Variants in CCBE1 observed in about 807,000 individuals in gnomAD.
CCBE1 encodes the protein collagen and calcium binding EGF domains 1.
A neutral mutation model predicts 50.0 loss-of-function variants in CCBE1; 37 were observed. That is an observed-to-expected ratio of 0.74 (90% CI 0.57 to 0.97). The LOEUF is 0.97. CCBE1 is among the 50% of genes least tolerant of loss of function. The pLI, the probability that CCBE1 is intolerant of heterozygous loss-of-function variation, is 0.00. For missense variants in CCBE1, 538 were observed against 523.8 expected, an observed-to-expected ratio of 1.03 and a Z score of -0.26; for synonymous variants, 234 against 203.7, an observed-to-expected ratio of 1.15 and a Z score of -1.27.
chr18:59,569,727 C>G (rs1323708556), intron 2 of CCBE1, among the ~76,000 whole-genome samples: 1 of 152,138 alleles, frequency 6.6e-6, no homozygotes, highest in South Asian at 2.1e-4. Context: ...TTCAAACTCC[C>G]AGGCTCAAGC....
At chr18:59,451,995 C>T (rs556046734) in intron 6 of CCBE1, among the ~76,000 whole-genome samples, 5 of 152,154 alleles carry the variant, frequency 3.3e-5, no homozygotes, top group African/African-American at 4.8e-5. Flanking sequence ...TATTACCCAC[C>T]TGTGCATGCC....
At chr18:59,694,208 G>A (rs2054775657) in intron 2 of CCBE1, among the ~76,000 whole-genome samples, 1 of 152,100 alleles carries the variant, frequency 6.6e-6, no homozygotes, top group Non-Finnish European at 1.5e-5. Flanking sequence ...CACACTTCAA[G>A]TTCAGAAGTG....
At chr18:59,600,187 G>T (rs980206972) in intron 2 of CCBE1, among the ~76,000 whole-genome samples, 1 of 152,092 alleles carries the variant, frequency 6.6e-6, no homozygotes, top group Non-Finnish European at 1.5e-5. Context: ...ATTTCTACCT[G>T]TGCTCTACCT....
At chr18:59,625,040 G>A (rs766311509) in intron 2 of CCBE1, among the ~76,000 whole-genome samples, 2 of 152,176 alleles carry the variant, frequency 1.3e-5, no homozygotes, top group Non-Finnish European at 2.9e-5. Flanking sequence ...CTTCTCAGGC[G>A]TTTCTAATAT....
At chr18:59,536,390 C>CA (rs746476004) in intron 2 of CCBE1, among the ~76,000 whole-genome samples, 1 of 152,216 alleles carries the variant, frequency 6.6e-6, no homozygotes, top group Non-Finnish European at 1.5e-5. Context: ...CACCACCCTC[C>CA]AGCTCTTCCT....
intron 3 of CCBE1, among the ~76,000 whole-genome samples, chr18:59,470,097 CT>C (rs1911959015): frequency 6.6e-6 from 1 of 152,150 alleles, no homozygotes; most frequent in Non-Finnish European, 1.5e-5. Context: ...CATGTCTAGT[CT>C]TATGCTGCTG....
chr18:59,454,764 T>C, intron 6 of CCBE1, 87 bp downstream of exon 6: 1 of 1,156,546 alleles, frequency 8.6e-7, no homozygotes, highest in Non-Finnish European at 1.3e-6. Context: ...ATGTGGATAT[T>C]TTCTTATTTG....
intron 2 of CCBE1, among the ~76,000 whole-genome samples, chr18:59,484,759 T>C (rs550365002): frequency 6.6e-6 from 1 of 152,326 alleles, no homozygotes; most frequent in African/African-American, 2.4e-5. Context: ...AGTTGTGAGA[T>C]TCCAGTGCGC....
intron 3 of CCBE1, among the ~76,000 whole-genome samples, chr18:59,475,627 G>C (rs1314860259): frequency 6.6e-6 from 1 of 152,050 alleles, no homozygotes; most frequent in Non-Finnish European, 1.5e-5. Context: ...AGCCTTCCTT[G>C]ACCTCCTCAA....
intron 5 of CCBE1, among the ~76,000 whole-genome samples, chr18:59,460,769 C>G (rs1165393842): frequency 2.6e-5 from 4 of 151,626 alleles, no homozygotes; most frequent in Admixed American, 2.0e-4. Context: ...CCATCTCTAC[C>G]AAAAATACAA....
intron 2 of CCBE1, among the ~76,000 whole-genome samples, chr18:59,612,321 G>A (rs1025433042): frequency 2.6e-4 from 28 of 106,124 alleles, no homozygotes; most frequent in South Asian, 3.3e-4. Context: ...AAAAAGGGAA[G>A]AAAAAAAAGA....
intron 7 of CCBE1, among the ~76,000 whole-genome samples, chr18:59,441,106 G>A (rs964750690): frequency 6.6e-6 from 1 of 152,200 alleles, no homozygotes; most frequent in African/African-American, 2.4e-5. Context: ...CCATGGCAGT[G>A]GCCTGACAAA....
intron 2 of CCBE1, among the ~76,000 whole-genome samples, chr18:59,559,702 A>C (rs2052707343): frequency 6.6e-6 from 1 of 152,178 alleles, no homozygotes; most frequent in Non-Finnish European, 1.5e-5. Flanking sequence ...AACCTAGATA[A>C]GTTTCTGGGC....
chr18:59,569,138 A>C lies in CCBE1; in HGVS notation c.213-88900T>G, dbSNP rs148025212. On this transcript the variant is annotated intron_variant, in intron 2 of 10. Coordinates refer to ENST00000439986, the MANE Select transcript of CCBE1 (RefSeq NM_133459.4). Reference sequence around the variant, plus strand: ...AACAATTCTCCTCACATGAGTGGCTACCCAGCAAGTCTGGCTCTCCCTCCA... The same window carrying C: ...AACAATTCTCCTCACATGAGTGGCTCCCCAGCAAGTCTGGCTCTCCCTCCA... Among the ~76,000 whole-genome samples, 298 of 152,232 alleles carry C rather than the reference A, an allele frequency of 2.0e-3. 4 individuals are homozygous for C. The East Asian group carries it at 0.03, about 15-fold the overall frequency.
intron 2 of CCBE1, among the ~76,000 whole-genome samples, chr18:59,583,534 G>A (rs1435768948): frequency 6.6e-6 from 1 of 152,068 alleles, no homozygotes; most frequent in Non-Finnish European, 1.5e-5. Flanking sequence ...ATTATCAAAT[G>A]GCCAATGCCC....
chr18:59,601,781 A>G (rs2053437972), intron 2 of CCBE1, among the ~76,000 whole-genome samples: 1 of 152,208 alleles, frequency 6.6e-6, no homozygotes, highest in Admixed American at 6.5e-5. Context: ...ACATTATGGA[A>G]TTAGTGAGGG....
intron 2 of CCBE1, among the ~76,000 whole-genome samples, chr18:59,619,213 A>AT (rs2053679474): frequency 6.6e-6 from 1 of 152,134 alleles, no homozygotes; most frequent in African/African-American, 2.4e-5. Context: ...AAAACGTTTT[A>AT]TTTTTCCATC....
intron 2 of CCBE1, among the ~76,000 whole-genome samples, chr18:59,540,449 G>A (rs1915424727): frequency 6.6e-6 from 1 of 152,200 alleles, no homozygotes; most frequent in African/African-American, 2.4e-5. Flanking sequence ...TGTTCTAGCT[G>A]AACTGTGGCC....
chr18:59,582,230 C>A (rs990214609), intron 2 of CCBE1, among the ~76,000 whole-genome samples: 1 of 152,134 alleles, frequency 6.6e-6, no homozygotes, highest in Non-Finnish European at 1.5e-5. Flanking sequence ...TCACCGCCAC[C>A]TCTCCCCCGT....
Sources: gnomAD v4.1 joint callset for allele counts (sites outside exome capture counted in the v4.1 genomes callset) on GRCh38, gnomAD v4.1.1 for gene constraint, MANE v1.5 for transcripts, NCBI Gene and HGNC (gene_info 2026-07-23, HGNC 2026-07-21) for gene names.